NBEA: variants seen among roughly 807,000 people sequenced by gnomAD.
The protein encoded by NBEA is lysosomal-trafficking regulator 2.
Under a neutral mutation model 343.4 loss-of-function variants are expected in NBEA, and 44 were observed. That is an observed-to-expected ratio of 0.13 (90% confidence interval 0.10 to 0.16). The LOEUF (loss-of-function observed/expected upper bound fraction) is 0.16. Ranked by LOEUF, NBEA falls within the 10% of genes least tolerant of loss-of-function variation. The pLI is 1.00. For missense variants in NBEA, 2,555 were observed against 3,631.3 expected (o/e 0.70, Z 7.62); for synonymous variants, 1,175 against 1,238.7 (o/e 0.95, Z 1.08).
chr13:35,558,278 G>T (rs1316456398), intron 44 of NBEA, among the ~76,000 whole-genome samples: 2 of 151,954 alleles, frequency 1.3e-5, no homozygotes, highest in Non-Finnish European at 2.9e-5. Context: ...ATAAAATTGT[G>T]TACAATTTTA....
At chr13:35,613,204 A>G (rs960768636) in intron 48 of NBEA, among the ~76,000 whole-genome samples, 2 of 150,770 alleles carry the variant, frequency 1.3e-5, no homozygotes, top group Non-Finnish European at 3.0e-5. Flanking sequence ...TTCCCTATCC[A>G]TATCTCCCAT....
At chr13:35,559,006 T>A (rs73171571) in intron 44 of NBEA, among the ~76,000 whole-genome samples, 3,062 of 152,242 alleles carry the variant, frequency 0.02, 42 homozygotes, top group South Asian at 0.045. Flanking sequence ...TTGAAAAAAA[T>A]TATGAATATG....
At chr13:35,295,600 C>T (rs2036074793) in intron 35 of NBEA, among the ~76,000 whole-genome samples, 1 of 151,986 alleles carries the variant, frequency 6.6e-6, no homozygotes, top group Non-Finnish European at 1.5e-5. Context: ...ATAGTCACCT[C>T]AGATAACAAT....
intron 1 of NBEA, among the ~76,000 whole-genome samples, chr13:35,011,532 T>G (rs2061493777): frequency 6.6e-6 from 1 of 152,200 alleles, no homozygotes; most frequent in South Asian, 2.1e-4. Context: ...AACAGAATTA[T>G]TAATGTTAGT....
rs1209728653 is a variant in NBEA at position 35,475,524 on chromosome 13, C to G, written c.6585+2988C>G. 2.5e-6 allele frequency: 4 copies of G among 1,612,718 alleles called. 1 individual carries two copies. The South Asian group carries it at 3.3e-5, about 13-fold the overall frequency. On this transcript the variant is annotated intron_variant, in intron 41 of 58. Transcript: ENST00000379939. The stretch of plus-strand genomic sequence containing the variant: ...CCTTGGACAAGAGATTGAAACCTTC[C>G]GCCTTGACCTCCGCCACCCGGTTGG...
intron 34 of NBEA, among the ~76,000 whole-genome samples, chr13:35,246,976 G>T (rs1289442918): frequency 6.6e-6 from 1 of 152,086 alleles, no homozygotes; most frequent in Non-Finnish European, 1.5e-5. Context: ...TGGCTGCAAT[G>T]GGGGTGTGTG....
intron 10 of NBEA, among the ~76,000 whole-genome samples, chr13:35,096,895 T>G (rs1427329175): frequency 6.6e-6 from 1 of 151,958 alleles, no homozygotes; most frequent in Non-Finnish European, 1.5e-5. Context: ...AGTTGTATTT[T>G]TCTTGTAAGT....
intron 2 of NBEA, among the ~76,000 whole-genome samples, chr13:35,044,418 A>C (rs2062768316): frequency 6.6e-6 from 1 of 152,212 alleles, no homozygotes. Context: ...TTTCACTTGG[A>C]GTAAGTGGTA....
In NBEA at chr13:35,048,689, G is replaced by A. The variant is rs1350188410; in HGVS notation, c.845+5G>A. 1 of 1,275,292 alleles carries A rather than the reference G, an allele frequency of 7.8e-7. No individual in the cohort carries two copies. 79.0% of individuals were successfully genotyped at this position (1,275,292 alleles called of 1,614,324 possible). A position where few individuals can be genotyped will look rare whatever the true frequency, so the allele number is the denominator to read the frequency against. On this transcript the variant is annotated splice_donor_5th_base_variant and intron_variant, in intron 5 of 58. Transcript: ENST00000379939. ...GGATAAACCTTATCTTTATTGGTAA[G>A]TAATATGTTTAATTTTAGTACTTTT...
rs1007996290 is a variant in NBEA at position 35,306,227 on chromosome 13, A to T, written c.5839-3301A>T. Among the ~76,000 whole-genome samples, 4 of 152,036 alleles carry T rather than the reference A, an allele frequency of 2.6e-5. No individual in the cohort carries two copies. The East Asian group carries it at 5.8e-4, about 22-fold the overall frequency. On this transcript the variant is annotated intron_variant, in intron 35 of 58. Coordinates refer to ENST00000379939, the MANE Select transcript of NBEA (RefSeq NM_001385012.1). Reference sequence around the variant, plus strand: ...AACCCTGGTGTTCTAAAATTTAATGATGATATACTTGCTAGGTTATATTAT... The same window carrying T: ...AACCCTGGTGTTCTAAAATTTAATGTTGATATACTTGCTAGGTTATATTAT...
rs1052191731 is a variant in NBEA, at chr13:35,144,082, A to G, written c.2445+1705A>G. On this transcript the variant is annotated intron_variant, in intron 18 of 58. Coordinates refer to ENST00000379939, the MANE Select transcript of NBEA (RefSeq NM_001385012.1). The stretch of plus-strand genomic sequence containing the variant: ...ATGTGTTCAATTATATGAAATTCAA[A>G]TTTCGGTCTCTGCAAATAAAAGTTT... Among the ~76,000 whole-genome samples the G allele has an allele frequency of 3.2e-4, 48 of 152,236 alleles. 2 individuals are homozygous for G. The highest frequency in any genetic ancestry group is 1.1e-3 in the African/African-American group (45 of 41,538).
At chr13:35,037,780 GC>G (rs1181114749) in intron 1 of NBEA, among the ~76,000 whole-genome samples, 16 of 152,314 alleles carry the variant, frequency 1.1e-4, no homozygotes, top group Middle Eastern at 3.4e-3. Flanking sequence ...CCATGGCTGT[GC>G]TGGGTCACAC....
intron 38 of NBEA, among the ~76,000 whole-genome samples, chr13:35,401,180 G>A (rs1484979015): frequency 2.0e-5 from 3 of 151,896 alleles, no homozygotes; most frequent in Non-Finnish European, 4.4e-5. Flanking sequence ...AGTTACTAGA[G>A]CATGGTAGTT....
At chr13:35,518,588 G>C (rs542127375) in intron 41 of NBEA, among the ~76,000 whole-genome samples, 1 of 152,274 alleles carries the variant, frequency 6.6e-6, no homozygotes, top group East Asian at 1.9e-4. Flanking sequence ...GGGAACATTA[G>C]TCATAATTAT....
intron 38 of NBEA, among the ~76,000 whole-genome samples, chr13:35,411,853 G>GT (rs1263320582): frequency 6.6e-6 from 1 of 151,980 alleles, no homozygotes; most frequent in African/African-American, 2.4e-5. Context: ...GACAATACAA[G>GT]TTTTTTATTT....
At chr13:35,215,802 G>T (rs1046932892) in intron 33 of NBEA, among the ~76,000 whole-genome samples, 1 of 151,328 alleles carries the variant, frequency 6.6e-6, no homozygotes, top group African/African-American at 2.4e-5. Flanking sequence ...CACCAGTACA[G>T]CCATTTCTGC....
At chr13:35,011,868 A>T (rs529505505) in intron 1 of NBEA, among the ~76,000 whole-genome samples, 5 of 152,154 alleles carry the variant, frequency 3.3e-5, no homozygotes, top group Non-Finnish European at 7.4e-5. Context: ...ACTATCCAAA[A>T]CATTCTTTGT....
intron 34 of NBEA, among the ~76,000 whole-genome samples, chr13:35,237,928 A>G (rs908509903): frequency 3.9e-5 from 6 of 152,110 alleles, no homozygotes; most frequent in African/African-American, 9.7e-5. Flanking sequence ...TTGTGATTGT[A>G]TCATTCTAGA....
At chr13:35,615,092 T>C (rs2082674663) in intron 48 of NBEA, among the ~76,000 whole-genome samples, 1 of 139,504 alleles carries the variant, frequency 7.2e-6, no homozygotes, top group Non-Finnish European at 1.5e-5. Flanking sequence ...AGGACCAGCC[T>C]GGGCAACATG....
Sources: gnomAD v4.1 joint callset for allele counts (sites outside exome capture counted in the v4.1 genomes callset) on GRCh38, gnomAD v4.1.1 for gene constraint, MANE v1.5 for transcripts, NCBI Gene and HGNC (gene_info 2026-07-23, HGNC 2026-07-21) for gene names.